DMD: variants seen among roughly 807,000 people sequenced by gnomAD.
DMD encodes dystrophin.
In DMD, 63 loss-of-function variants were observed where a neutral mutation model predicts 330.1. The observed-to-expected ratio is 0.19, with a 90% CI of 0.16 to 0.24. DMD has a LOEUF of 0.24. Among genes scored for constraint, DMD ranks in the 10% least tolerant of loss-of-function variants. The pLI, the probability that DMD is intolerant of heterozygous loss-of-function variation, is 1.00. For missense variants in DMD, 3,344 were observed against 2,684.1 expected, an observed-to-expected ratio of 1.25 and a Z score of -5.43; for synonymous variants, 1,223 against 959.8, an observed-to-expected ratio of 1.27 and a Z score of -5.07.
intron 30 of DMD, among the ~76,000 whole-genome samples, chrX:32,405,629 G>A (rs190673944): frequency 6.3e-5 from 7 of 111,704 alleles, no homozygotes; most frequent in African/African-American, 2.3e-4. Context: ...TGTGGTACCA[G>A]TACCATGCTG....
chrX:32,181,990 C>T (rs2096928639), intron 44 of DMD, among the ~76,000 whole-genome samples: 1 of 111,755 alleles, frequency 8.9e-6, no homozygotes, highest in Middle Eastern at 4.6e-3. Flanking sequence ...ATTTAATTTC[C>T]AGTTTCGCAT....
chrX:32,386,439 C>G lies in DMD; in HGVS notation c.4545G>C (p.Val1515=), dbSNP rs1432789665. The G allele has an allele frequency of 8.3e-7, 1 of 1,204,747 alleles. No individual in the cohort carries two copies. The highest frequency in any genetic ancestry group is 1.1e-6 in the Non-Finnish European group (1 of 891,343). Reference sequence around the variant, plus strand: ...TTATCACCATTTCCACTTCAGACTTCACTTCACTCAGACTTTTATACAAGT... The same window carrying G: ...TTATCACCATTTCCACTTCAGACTTGACTTCACTCAGACTTTTATACAAGT... ...CVNLYKSLSE[V]KSEVEMVIKT... The change falls in exon 33 of 79, where the codon GTG becomes GTC. Residue 1515 remains valine (V), a synonymous_variant. Coordinates refer to ENST00000357033, the MANE Select transcript of DMD (RefSeq NM_004006.3).
chrX:32,172,668 G>T (rs771545069), intron 44 of DMD, among the ~76,000 whole-genome samples: 6 of 111,711 alleles, frequency 5.4e-5, no homozygotes, highest in African/African-American at 1.9e-4. Flanking sequence ...ACTCTATAGT[G>T]TTCTGATTTT....
chrX:32,316,971 T>C (rs1337288311), intron 41 of DMD, among the ~76,000 whole-genome samples: 1 of 111,466 alleles, frequency 9.0e-6, no homozygotes, highest in Non-Finnish European at 1.9e-5. Flanking sequence ...TTTTCTCTTC[T>C]TTATGCAAAA....
intron 1 of DMD, among the ~76,000 whole-genome samples, chrX:33,112,258 CT>C (rs1460750310): frequency 9.0e-6 from 1 of 110,755 alleles, no homozygotes; most frequent in African/African-American, 3.3e-5. Flanking sequence ...ATATATTAAA[CT>C]TTGTTATATG....
intron 10 of DMD, 68 bp from the exon 11 acceptor site, chrX:32,644,381 T>C: frequency 1.8e-6 from 2 of 1,104,463 alleles, no homozygotes; most frequent in Non-Finnish European, 2.5e-6. Flanking sequence ...TTGAGTTTTA[T>C]TTGTTTGCAG....
rs769050893 is a variant in DMD, at chrX:31,866,138, A to C, written c.7098+9050T>G. ...ACCATTCCTCCTTCTTCCTTTGACT[A>C]CTTTTGATCTTCCCTTTAGCTCCCT... On this transcript the variant is annotated intron_variant, in intron 48 of 78. Transcript: ENST00000357033. Among the ~76,000 whole-genome samples, 6 of 111,059 alleles carry C rather than the reference A, an allele frequency of 5.4e-5. No homozygotes were observed. In the South Asian group the frequency reaches 1.2e-3, roughly 22 times the overall value.
chrX:31,525,690 T>G (rs1000023852), intron 55 of DMD, among the ~76,000 whole-genome samples: 7 of 111,695 alleles, frequency 6.3e-5, no homozygotes, highest in African/African-American at 2.3e-4. Flanking sequence ...ACCTCTGAAA[T>G]AAAAGCAATT....
intron 13 of DMD, among the ~76,000 whole-genome samples, chrX:32,584,450 A>G (rs774154354): frequency 8.9e-6 from 1 of 112,178 alleles, no homozygotes; most frequent in Admixed American, 9.5e-5. Flanking sequence ...AAGTTTACAT[A>G]TATACACAAA....
At chrX:32,370,949 G>C (rs1358882994) in intron 34 of DMD, among the ~76,000 whole-genome samples, 1 of 111,163 alleles carries the variant, frequency 9.0e-6, no homozygotes, top group African/African-American at 3.3e-5. Context: ...ACATTATCTA[G>C]TGATTCTCAA....
intron 1 of DMD, among the ~76,000 whole-genome samples, chrX:33,115,819 G>A (rs149060425): frequency 0.029 from 3,210 of 109,676 alleles, 127 homozygotes; most frequent in African/African-American, 0.1. Flanking sequence ...AAAAGAAAAC[G>A]TTTCTATGAA....
chrX:32,474,718 T>G, intron 21 of DMD, among the ~76,000 whole-genome samples: 1 of 111,411 alleles, frequency 9.0e-6, no homozygotes, highest in East Asian at 2.8e-4. Flanking sequence ...TGTATTTTTC[T>G]TACTGATTTG....
intron 52 of DMD, among the ~76,000 whole-genome samples, chrX:31,700,332 G>A (rs763453499): frequency 5.3e-5 from 6 of 112,218 alleles, no homozygotes; most frequent in African/African-American, 1.6e-4. Flanking sequence ...GAACTTATAC[G>A]AGTGGAAATG....
intron 1 of DMD, among the ~76,000 whole-genome samples, chrX:33,085,246 T>G (rs1358492525): frequency 1.8e-5 from 2 of 112,025 alleles, no homozygotes; most frequent in African/African-American, 6.5e-5. Context: ...CATTTTCTCA[T>G]AAAAATAATA....
intron 1 of DMD, among the ~76,000 whole-genome samples, chrX:33,110,466 ATAAT>A (rs1012263571): frequency 2.7e-5 from 3 of 111,487 alleles, no homozygotes; most frequent in Non-Finnish European, 5.6e-5. Flanking sequence ...TATAAGCATA[ATAAT>A]TAATACAAAT....
chrX:32,103,264 T>C (rs986782114), intron 44 of DMD, among the ~76,000 whole-genome samples: 2 of 112,179 alleles, frequency 1.8e-5, no homozygotes, highest in Non-Finnish European at 3.8e-5. Flanking sequence ...AGAACTATAA[T>C]GTTGGAATAA....
At chrX:31,979,624 CA>C (rs3038594) in intron 44 of DMD, among the ~76,000 whole-genome samples, 26,054 of 103,591 alleles carry the variant, frequency 0.25, 2,698 homozygotes, top group African/African-American at 0.4. Context: ...AGGGGTCTAG[CA>C]AAAAAAAAAA....
chrX:31,648,643 A>G (rs1002599248), intron 54 of DMD, among the ~76,000 whole-genome samples: 39 of 89,112 alleles, frequency 4.4e-4, no homozygotes, highest in Non-Finnish European at 7.1e-4. Context: ...AAAAAAAAAA[A>G]AAAAAAAAAA....
At chrX:32,960,167 C>A (rs1300303951) in intron 2 of DMD, 1 of 112,008 alleles carries the variant, frequency 8.9e-6, no homozygotes, top group East Asian at 2.8e-4. Flanking sequence ...TTTAGCTAGT[C>A]CTTAGTAAAC....
Sources: allele counts gnomAD v4.1 joint callset (sites outside exome capture counted in the v4.1 genomes callset), GRCh38; gene constraint gnomAD v4.1.1; transcripts MANE v1.5; gene names NCBI Gene and HGNC (gene_info 2026-07-23, HGNC 2026-07-21).